PPM1E: variants seen among roughly 807,000 people sequenced by gnomAD.
The protein encoded by PPM1E is protein phosphatase 1E.
A neutral mutation model predicts 65.9 loss-of-function variants in PPM1E; 20 were observed. The observed-to-expected ratio is 0.30, with a 90% CI of 0.21 to 0.44. The LOEUF (loss-of-function observed/expected upper bound fraction) is 0.44, where lower values mean the gene tolerates loss of function less well. Ranked by LOEUF, PPM1E falls within the 20% of genes least tolerant of loss-of-function variation. PPM1E has a pLI of 1.00. For synonymous variants in PPM1E, 352 were observed against 374.9 expected, an observed-to-expected ratio of 0.94 and a Z score of 0.70; for missense variants, 713 against 953.1, an observed-to-expected ratio of 0.75 and a Z score of 3.32.
Position 58,839,322 on chromosome 17 carries a change from T to TA in PPM1E, c.464+82872dup, listed in dbSNP as rs533486794. 4.6e-3 allele frequency among the ~76,000 whole-genome samples: 678 copies of TA among 148,180 alleles called. 4 individuals carry two copies. Among genetic ancestry groups the TA allele is most frequent in the African/African-American group, 0.015 (616 of 40,504 alleles). On this transcript the variant is annotated intron_variant, in intron 1 of 6. Coordinates refer to ENST00000308249, the MANE Select transcript of PPM1E (RefSeq NM_014906.5). ...CAGCAACATGGCAAGACCTTGTCTC[T>TA]AAAAAAAAAAATTTTTTTAAGGAAA... is the stretch of plus-strand genomic sequence containing the variant.
chr17:58,828,295 CA>C (rs2050563212), intron 1 of PPM1E, among the ~76,000 whole-genome samples: 1 of 151,944 alleles, frequency 6.6e-6, no homozygotes, highest in Non-Finnish European at 1.5e-5. Context: ...TACTGTAAAG[CA>C]TATACTAAGA....
At chr17:58,931,966 G>C (rs1212369429) in intron 1 of PPM1E, among the ~76,000 whole-genome samples, 2 of 152,154 alleles carry the variant, frequency 1.3e-5, no homozygotes. Context: ...GACAGTGTAG[G>C]TATTAAATGA....
chr17:58,937,362 C>T (rs1436906428), intron 1 of PPM1E, among the ~76,000 whole-genome samples: 2 of 147,378 alleles, frequency 1.4e-5, no homozygotes, highest in Non-Finnish European at 3.0e-5. Flanking sequence ...CTCCCCAGTT[C>T]AAGCGATTCT....
intron 1 of PPM1E, among the ~76,000 whole-genome samples, chr17:58,823,502 T>C (rs1457125101): frequency 1.3e-5 from 2 of 152,204 alleles, no homozygotes; most frequent in East Asian, 1.9e-4. Flanking sequence ...ATGAATCTTA[T>C]GCATCTATAG....
intron 1 of PPM1E, among the ~76,000 whole-genome samples, chr17:58,948,545 C>T (rs919999067): frequency 6.6e-6 from 1 of 152,054 alleles, no homozygotes; most frequent in Non-Finnish European, 1.5e-5. Context: ...CATTTGTGTA[C>T]CAGTAGTTAC....
At chr17:58,790,108 T>A (rs1314135551) in intron 1 of PPM1E, among the ~76,000 whole-genome samples, 1 of 152,214 alleles carries the variant, frequency 6.6e-6, no homozygotes, top group East Asian at 1.9e-4. Context: ...GGAGCAGATA[T>A]GGTTCCTTAG....
intron 1 of PPM1E, among the ~76,000 whole-genome samples, chr17:58,860,714 C>A (rs980206566): frequency 1.3e-5 from 2 of 152,154 alleles, no homozygotes; most frequent in Non-Finnish European, 2.9e-5. Context: ...GAGGCCGAGG[C>A]GGGCAGACCG....
intron 1 of PPM1E, among the ~76,000 whole-genome samples, chr17:58,866,394 G>A (rs2051003723): frequency 6.6e-6 from 1 of 152,150 alleles, no homozygotes; most frequent in Non-Finnish European, 1.5e-5. Context: ...TGCTTCTACA[G>A]TGCCCCTTGC....
intron 1 of PPM1E, among the ~76,000 whole-genome samples, chr17:58,804,810 A>G (rs967711222): frequency 2.0e-5 from 3 of 152,188 alleles, no homozygotes; most frequent in African/African-American, 7.2e-5. Flanking sequence ...ATTTTGTTAC[A>G]TAGAATGTGT....
In PPM1E at chr17:58,911,932, CT is replaced by C. The variant is rs1381766041; in HGVS notation, c.465-43715del. The stretch of plus-strand genomic sequence containing the variant: ...ACCATTTCTCAGCAAGGCAAATTTA[CT>C]TGTGCAGAAGGGTGCCGCTTGCACT... On this transcript the variant is annotated intron_variant, in intron 1 of 6. Coordinates refer to ENST00000308249, the MANE Select transcript of PPM1E (RefSeq NM_014906.5). 9.9e-5 allele frequency among the ~76,000 whole-genome samples: 15 copies of C among 152,274 alleles called. No homozygotes were observed. The East Asian group carries it at 2.5e-3, about 25-fold the overall frequency.
At chr17:58,896,067 A>T (rs1385459204) in intron 1 of PPM1E, among the ~76,000 whole-genome samples, 2 of 146,170 alleles carry the variant, frequency 1.4e-5, no homozygotes, top group Non-Finnish European at 3.0e-5. Flanking sequence ...GTGAGCCGAG[A>T]TCACACCACT....
intron 1 of PPM1E, among the ~76,000 whole-genome samples, chr17:58,794,982 G>A (rs1179978875): frequency 1.3e-5 from 2 of 148,596 alleles, no homozygotes; most frequent in Non-Finnish European, 1.5e-5. Flanking sequence ...TCCGCCTCCC[G>A]AGTTCAAGCA....
intron 1 of PPM1E, among the ~76,000 whole-genome samples, chr17:58,954,971 C>T (rs561343659): frequency 6.6e-6 from 1 of 151,418 alleles, no homozygotes; most frequent in Non-Finnish European, 1.5e-5. Context: ...ATAACTGAGT[C>T]TTTTTCATCC....
rs1329753216 is a variant in PPM1E, at chr17:58,980,658, T to G, written c.1895T>G (p.Leu632Trp). Reference sequence around the variant, plus strand: ...GGAGAGTTTCCCACTGCTTTCAATTTGGGTTCAACAGGGGAGCAGATATAC... The same window carrying G: ...GGAGAGTTTCCCACTGCTTTCAATTGGGGTTCAACAGGGGAGCAGATATAC... Reference protein sequence around the residue: ...GAGEFPTAFNLGSTGEQIYRM... With the variant: ...GAGEFPTAFNWGSTGEQIYRM... Residue 632 changes from leucine (L) to tryptophan (W), a missense_variant, in exon 7 of 7, where the codon TTG becomes TGG. Transcript: ENST00000308249. The surrounding 1 kb of genome is among the most constrained non-coding windows in gnomAD (Gnocchi z 4.7). 1 of 1,614,188 alleles carries G rather than the reference T, an allele frequency of 6.2e-7. No homozygotes were observed. The highest frequency in any genetic ancestry group is 8.5e-7 in the Non-Finnish European group (1 of 1,180,032).
chr17:58,803,426 C>G (rs573343463), intron 1 of PPM1E, among the ~76,000 whole-genome samples: 6 of 152,072 alleles, frequency 3.9e-5, no homozygotes, highest in Non-Finnish European at 8.8e-5. Flanking sequence ...AGGGATAAAT[C>G]GCACCTGATC....
At chr17:58,821,040 G>T (rs116527475) in intron 1 of PPM1E, among the ~76,000 whole-genome samples, 4,416 of 151,976 alleles carry the variant, frequency 0.029, 106 homozygotes, top group African/African-American at 0.061. Flanking sequence ...TCACATAAGT[G>T]ATTATTATTA....
At chr17:58,956,587 A>G (rs1275918790) in intron 2 of PPM1E, among the ~76,000 whole-genome samples, 1 of 152,118 alleles carries the variant, frequency 6.6e-6, no homozygotes, top group East Asian at 1.9e-4. Context: ...TTTATGATAG[A>G]TATGCAAATG....
At chr17:58,816,767 TATATATATATATATATATATATATA>T (rs1567842116) in intron 1 of PPM1E, among the ~76,000 whole-genome samples, 21 of 14,856 alleles carry the variant, frequency 1.4e-3, no homozygotes, top group Non-Finnish European at 2.2e-3. Context: ...TATATATATA[TATATATATATATATATATATATATA>T]TATTTTTTTT....
intron 1 of PPM1E, among the ~76,000 whole-genome samples, chr17:58,860,882 A>G (rs1030869981): frequency 2.0e-5 from 3 of 152,084 alleles, no homozygotes; most frequent in Non-Finnish European, 4.4e-5. Context: ...GGTTGCAGTG[A>G]GCCAAGATCA....
Sources: gnomAD v4.1 joint callset for allele counts (sites outside exome capture counted in the v4.1 genomes callset) on GRCh38, gnomAD v4.1.1 for gene constraint, Gnocchi (gnomAD v3.1) non-coding constraint, MANE v1.5 for transcripts, NCBI Gene and HGNC (gene_info 2026-07-23, HGNC 2026-07-21) for gene names.